The following RAB3GAP2 variants were observed in gnomAD, a reference collection of about 807,000 sequenced individuals.
RAB3GAP2 encodes rab3 GTPase-activating protein non-catalytic subunit.
RAB3GAP2 carries 87 observed loss-of-function variants against 185.3 expected under a neutral mutation model. That is an observed-to-expected ratio of 0.47 (90% CI 0.39 to 0.56). RAB3GAP2 has a LOEUF of 0.56. Ranked by LOEUF, RAB3GAP2 falls within the 20% of genes least tolerant of loss-of-function variation. RAB3GAP2 has a pLI of 0.00. For synonymous variants in RAB3GAP2, 554 were observed against 576.1 expected (o/e 0.96, Z 0.55); for missense variants, 1,492 against 1,638.2 (o/e 0.91, Z 1.54).
chr1:220,171,013 A>G lies in RAB3GAP2; in HGVS notation c.2685T>C (p.Asp895=). The G allele has an allele frequency of 1.2e-6, 2 of 1,614,140 alleles. No homozygotes were observed. Among genetic ancestry groups the G allele is most frequent in the South Asian group, 1.1e-5 (1 of 91,090 alleles). Residue 895 remains aspartate, a synonymous_variant, in exon 24 of 35, where the codon GAT becomes GAC. Transcript: ENST00000358951. ...YWKLLLKQLE[D]CLILQTLLHS... ...GAAGCAGAGTCTGAAGTATGAGACA[A>G]TCCTCCAGCTGTTTCAGAAGGAGTT...
At chr1:220,256,449 G>C (rs569871484) in intron 1 of RAB3GAP2, among the ~76,000 whole-genome samples, 4 of 152,250 alleles carry the variant, frequency 2.6e-5, no homozygotes, top group African/African-American at 9.6e-5. Flanking sequence ...CCAATTAAAA[G>C]ACATAGAATG....
intron 1 of RAB3GAP2, among the ~76,000 whole-genome samples, chr1:220,239,957 T>C (rs1659659202): frequency 6.7e-6 from 1 of 149,646 alleles, no homozygotes; most frequent in Non-Finnish European, 1.5e-5. Context: ...AGCCATTGAG[T>C]TCCCAAATAA....
intron 1 of RAB3GAP2, among the ~76,000 whole-genome samples, chr1:220,240,784 TGAACA>T (rs1421659921): frequency 6.6e-6 from 1 of 152,140 alleles, no homozygotes; most frequent in Non-Finnish European, 1.5e-5. Context: ...TACCTATCAC[TGAACA>T]GGACTATTTG....
chr1:220,196,299 T>C lies in RAB3GAP2; in HGVS notation c.911A>G (p.Tyr304Cys), dbSNP rs1193908841. The C allele has an allele frequency of 1.2e-6, 2 of 1,612,764 alleles. No homozygotes were observed. Among genetic ancestry groups the C allele is most frequent in the Admixed American group, 3.3e-5 (2 of 59,972 alleles). Residue 304 changes from tyrosine to cysteine, a missense_variant, in exon 10 of 35, where the codon TAT (tyrosine) becomes TGT (cysteine). Physicochemically the swap from Tyr to Cys is radical, Grantham distance 194. Coordinates refer to ENST00000358951, the MANE Select transcript of RAB3GAP2 (RefSeq NM_012414.4). ...AAATGGATTGGACCCTACAGTGATATACTGAGACATGGCAGGTGGACTATT... is the reference window on the plus strand; with the variant it reads ...AAATGGATTGGACCCTACAGTGATACACTGAGACATGGCAGGTGGACTATT... ...IKNSPPAMSQ[Y>C]ITVGSNPFTG...
intron 33 of RAB3GAP2, 108 bp downstream of exon 33, chr1:220,153,077 C>G: frequency 1.2e-6 from 1 of 833,132 alleles, no homozygotes; most frequent in Admixed American, 1.8e-5. Flanking sequence ...CCTAGATGTT[C>G]TAATAAAAGG....
intron 1 of RAB3GAP2, among the ~76,000 whole-genome samples, chr1:220,260,279 T>C (rs1427285750): frequency 6.6e-6 from 1 of 151,794 alleles, no homozygotes; most frequent in Non-Finnish European, 1.5e-5. Context: ...TTTATAAAGA[T>C]ACATGCCCAC....
intron 2 of RAB3GAP2, among the ~76,000 whole-genome samples, chr1:220,223,295 A>G (rs1659342174): frequency 6.6e-6 from 1 of 152,212 alleles, no homozygotes; most frequent in Non-Finnish European, 1.5e-5. Context: ...CTCAGAAACT[A>G]TCATCTAGTT....
At chr1:220,179,891 C>T (rs561622349) in intron 21 of RAB3GAP2, among the ~76,000 whole-genome samples, 11 of 152,170 alleles carry the variant, frequency 7.2e-5, no homozygotes, top group African/African-American at 2.4e-4. Context: ...CGGCCGGGTG[C>T]GGTGGCTCAC....
At chr1:220,257,705 A>G (rs1660056950) in intron 1 of RAB3GAP2, among the ~76,000 whole-genome samples, 1 of 152,204 alleles carries the variant, frequency 6.6e-6, no homozygotes, top group African/African-American at 2.4e-5. Context: ...AAGCTTGCAG[A>G]AGACAAGAAA....
intron 31 of RAB3GAP2, among the ~76,000 whole-genome samples, chr1:220,156,261 C>A (rs773379508): frequency 1.3e-5 from 2 of 152,132 alleles, no homozygotes; most frequent in African/African-American, 2.4e-5. Flanking sequence ...GGGAGTCTCT[C>A]ATTTAAGGGT....
chr1:220,226,217 C>T (rs1659399589), intron 2 of RAB3GAP2, among the ~76,000 whole-genome samples: 1 of 152,136 alleles, frequency 6.6e-6, no homozygotes. Context: ...AGCAAATCCC[C>T]AAGTCTATAC....
chr1:220,190,218 C>A, intron 15 of RAB3GAP2, 72 bp from the exon 16 acceptor site: 3 of 1,507,378 alleles, frequency 2.0e-6, no homozygotes, highest in Non-Finnish European at 2.8e-6. Flanking sequence ...CACACTCCAA[C>A]TTTTTTTTCC....
intron 7 of RAB3GAP2, chr1:220,208,207 AT>A (rs2102878981): frequency 6.6e-6 from 1 of 152,336 alleles, no homozygotes; most frequent in East Asian, 1.9e-4. Flanking sequence ...AATTTAACGT[AT>A]TTTAAAAAGC....
At chr1:220,162,436 A>AAGATTAAAAATCATTTAATTTAAT (rs1368086412) in intron 27 of RAB3GAP2, among the ~76,000 whole-genome samples, 168 bp from the exon 28 acceptor site, 5 of 152,230 alleles carry the variant, frequency 3.3e-5, no homozygotes, top group Non-Finnish European at 5.9e-5. Flanking sequence ...TTCATTTAAA[A>AAGATTAAAAATCATTTAATTTAAT]TCTGATTTAA....
chr1:220,179,511 A>G (rs779949940), intron 21 of RAB3GAP2, among the ~76,000 whole-genome samples: 1 of 152,212 alleles, frequency 6.6e-6, no homozygotes, highest in Non-Finnish European at 1.5e-5. Flanking sequence ...ACTACATACT[A>G]GACCATATGG....
At chr1:220,251,176 T>C (rs144753953) in intron 1 of RAB3GAP2, among the ~76,000 whole-genome samples, 194 of 152,338 alleles carry the variant, frequency 1.3e-3, no homozygotes, top group African/African-American at 4.5e-3. Flanking sequence ...GTTAAAACAA[T>C]TGCATATCCA....
In RAB3GAP2 at chr1:220,202,273, T is replaced by A; in HGVS notation, c.811+3A>T. ...CAAGAGAATTTGAATTAGTAATACT[T>A]ACCAACACTAGCATGATCAATAATA... On this transcript the variant is annotated splice_donor_region_variant and intron_variant, in intron 9 of 34. Transcript: ENST00000358951. 6.2e-7 allele frequency: 1 copy of A among 1,612,926 alleles called. No individual in the cohort carries two copies. The highest frequency in any genetic ancestry group is 8.5e-7 in the Non-Finnish European group (1 of 1,179,578).
chr1:220,219,249 C>A (rs576391390), intron 2 of RAB3GAP2, among the ~76,000 whole-genome samples: 5 of 152,200 alleles, frequency 3.3e-5, no homozygotes, highest in Non-Finnish European at 7.3e-5. Flanking sequence ...CTCCTTCTTA[C>A]ACATGTCATA....
At chr1:220,205,790 C>T in intron 8 of RAB3GAP2, 117 bp downstream of exon 8, 1 of 778,642 alleles carries the variant, frequency 1.3e-6, no homozygotes, top group East Asian at 2.7e-5. Context: ...AGGTTTTTCC[C>T]ATAAATCTAG....
Sources: gnomAD v4.1 joint callset for allele counts (sites outside exome capture counted in the v4.1 genomes callset) on GRCh38, gnomAD v4.1.1 for gene constraint, MANE v1.5 for transcripts, NCBI Gene and HGNC (gene_info 2026-07-23, HGNC 2026-07-21) for gene names.